The following MAGT1 variants were observed in gnomAD, a reference collection of about 807,000 sequenced individuals.
MAGT1 encodes the protein magnesium transporter 1, also known as dolichyl-diphosphooligosaccharide--protein glycosyltransferase subunit MAGT1.
A neutral mutation model predicts 28.4 loss-of-function variants in MAGT1; 4 were observed. That is an observed-to-expected ratio of 0.14 (90% CI 0.07 to 0.32). The LOEUF (loss-of-function observed/expected upper bound fraction) is 0.32. Among genes scored for constraint, MAGT1 ranks in the 10% least tolerant of loss-of-function variants. MAGT1 has a pLI of 1.00. For missense variants in MAGT1, 193 were observed against 264.5 expected (o/e 0.73, Z 1.88); for synonymous variants, 89 against 89.7 (o/e 0.99, Z 0.04).
At position 77,872,750 on chromosome X, in the gene MAGT1, A is replaced by G. The variant is rs920415153; in HGVS notation, c.273-1825T>C. ...AAATTTTACAGTATTTATTATATGT[A>G]CAGTTGATCTGGTACTTAATCACAA... On this transcript the variant is annotated intron_variant, in intron 2 of 9. Coordinates refer to ENST00000618282, the MANE Select transcript of MAGT1 (RefSeq NM_001367916.1). Among the ~76,000 whole-genome samples the G allele has an allele frequency of 7.1e-5, 8 of 112,105 alleles. No homozygotes were observed. In the East Asian group the frequency reaches 2.2e-3, roughly 31 times the overall value.
In MAGT1 at chrX:77,829,168, T is replaced by C; in HGVS notation, c.*52A>G. The C allele has an allele frequency of 2.8e-6, 3 of 1,090,681 alleles. No homozygotes were observed. Among genetic ancestry groups the C allele is most frequent in the Non-Finnish European group, 3.8e-6 (3 of 787,368 alleles). 89.9% of individuals were successfully genotyped at this position (1,090,681 alleles called of 1,213,427 possible). ...ATTCTTCTTTTCAAACACACACGAT[T>C]TTCGTTTTTCAATTTCCAGTACTCC... is the stretch of plus-strand genomic sequence containing the variant. On this transcript the variant is annotated 3_prime_UTR_variant, in exon 10 of 10. Coordinates refer to ENST00000618282, the MANE Select transcript of MAGT1 (RefSeq NM_001367916.1).
At chrX:77,861,016 A>C (rs2076993435) in intron 3 of MAGT1, among the ~76,000 whole-genome samples, 1 of 109,068 alleles carries the variant, frequency 9.2e-6, no homozygotes. Context: ...CCCCTACTAA[A>C]AATATGAAAA....
chrX:77,877,761 C>T (rs1165739570), intron 1 of MAGT1, among the ~76,000 whole-genome samples: 1 of 106,519 alleles, frequency 9.4e-6, no homozygotes, highest in Non-Finnish European at 1.9e-5. Context: ...TGCGGTGAGC[C>T]GAGATCACGC....
At chrX:77,846,215 C>T (rs1167527342) in intron 7 of MAGT1, among the ~76,000 whole-genome samples, 1 of 111,969 alleles carries the variant, frequency 8.9e-6, no homozygotes, top group East Asian at 2.8e-4. Flanking sequence ...TTTCTTCCAG[C>T]TGATCGAATC....
intron 1 of MAGT1, among the ~76,000 whole-genome samples, chrX:77,886,590 C>T (rs138790484): frequency 0.038 from 4,180 of 110,687 alleles, 118 homozygotes; most frequent in African/African-American, 0.1. Context: ...CTGTAGTGCA[C>T]TATGATTGCA....
Position 77,871,510 on chromosome X carries a change from C to A in MAGT1, c.273-585G>T, listed in dbSNP as rs782616372. On this transcript the variant is annotated intron_variant, in intron 2 of 9. Coordinates refer to ENST00000618282, the MANE Select transcript of MAGT1 (RefSeq NM_001367916.1). ...ATCACCTGAGGTCAGGAGCTCAAGACAAGCCTGGCCAACATGGCAAAACCC... is the reference window on the plus strand; with the variant it reads ...ATCACCTGAGGTCAGGAGCTCAAGAAAAGCCTGGCCAACATGGCAAAACCC... Among the ~76,000 whole-genome samples, 4 of 111,575 alleles carry A rather than the reference C, an allele frequency of 3.6e-5. No individual in the cohort carries two copies. The South Asian group carries it at 1.5e-3, about 42-fold the overall frequency.
chrX:77,845,250 G>A (rs1335417637), intron 7 of MAGT1, among the ~76,000 whole-genome samples: 6 of 111,163 alleles, frequency 5.4e-5, no homozygotes, highest in Non-Finnish European at 3.8e-5. Flanking sequence ...TGTTTTATCA[G>A]AGACTAGGAT....
intron 7 of MAGT1, among the ~76,000 whole-genome samples, chrX:77,852,805 C>T (rs2076972056): frequency 9.0e-6 from 1 of 110,689 alleles, no homozygotes; most frequent in African/African-American, 3.3e-5. Context: ...GCCATGTTGC[C>T]CAGGCTGGTC....
chrX:77,875,684 A>C, intron 1 of MAGT1, 87 bp from the exon 2 acceptor site: 3 of 966,134 alleles, frequency 3.1e-6, no homozygotes, highest in Non-Finnish European at 4.4e-6. Flanking sequence ...TAAAACCAAT[A>C]CTAACAAGCA....
chrX:77,850,981 T>C (rs947566410), intron 7 of MAGT1, among the ~76,000 whole-genome samples: 2 of 109,216 alleles, frequency 1.8e-5, no homozygotes, highest in Non-Finnish European at 3.8e-5. Context: ...CTTTTTTTTT[T>C]TTTTTCTTTG....
intron 3 of MAGT1, chrX:77,868,714 G>A (rs1410106412): frequency 6.2e-5 from 17 of 272,431 alleles, no homozygotes; most frequent in African/African-American, 4.2e-4. Flanking sequence ...CAGCTACTTG[G>A]GAGGCTGAGG....
chrX:77,859,605 G>A (rs2076989697), intron 3 of MAGT1, among the ~76,000 whole-genome samples: 1 of 111,878 alleles, frequency 8.9e-6, no homozygotes, highest in Non-Finnish European at 1.9e-5. Flanking sequence ...GGTGGCTCAC[G>A]CCTGTAATCC....
In MAGT1 at chrX:77,870,820, A is replaced by G; in HGVS notation, c.378T>C (p.Asp126=). The G allele has an allele frequency of 8.5e-7, 1 of 1,177,312 alleles. No individual in the cohort carries two copies. The highest frequency in any genetic ancestry group is 1.7e-5 in the African/African-American group (1 of 57,229). The part of the protein sequence containing the change: ...FAMVDFDEGS[D]VFQMLNMNSA... ...CCAAAGATCTTACCATCTGAAATAC[A>G]TCAGAGCCTTCATCAAAATCCACCA... The change falls in exon 3 of 10, where the codon GAT becomes GAC. Residue 126 remains aspartate, a synonymous_variant. Coordinates refer to ENST00000618282, the MANE Select transcript of MAGT1 (RefSeq NM_001367916.1).
chrX:77,834,979 G>A (rs1435019659), intron 8 of MAGT1, among the ~76,000 whole-genome samples: 2 of 101,691 alleles, frequency 2.0e-5, no homozygotes, highest in Non-Finnish European at 4.0e-5. Flanking sequence ...TTTTTGAGAC[G>A]GAGTCTTGCT....
rs12557610 is a variant in MAGT1, at chrX:77,841,009, A to G, written c.901+237T>C. ...AGAAATATATTACAATTTAAAAATAATTAGTTTTTCAGTGGTGGAATGTTT... is the reference window on the plus strand; with the variant it reads ...AGAAATATATTACAATTTAAAAATAGTTAGTTTTTCAGTGGTGGAATGTTT... On this transcript the variant is annotated intron_variant, in intron 8 of 9. Coordinates refer to ENST00000618282, the MANE Select transcript of MAGT1 (RefSeq NM_001367916.1). Among the ~76,000 whole-genome samples the G allele has an allele frequency of 4.5e-3, 505 of 111,997 alleles. 4 individuals are homozygous for G. The highest frequency in any genetic ancestry group is 0.013 in the African/African-American group (398 of 30,894).
At chrX:77,859,693 C>G (rs782466683) in intron 3 of MAGT1, among the ~76,000 whole-genome samples, 4 of 111,162 alleles carry the variant, frequency 3.6e-5, no homozygotes, top group Non-Finnish European at 5.7e-5. Context: ...ATGGTAAAAC[C>G]CCATCTCTAC....
chrX:77,883,476 C>T (rs1447614834), intron 1 of MAGT1, among the ~76,000 whole-genome samples: 1 of 107,761 alleles, frequency 9.3e-6, no homozygotes, highest in Non-Finnish European at 1.9e-5. Context: ...TATCTTTTTT[C>T]AGGCTCTTAT....
At chrX:77,870,623 T>C (rs1480520634) in intron 3 of MAGT1, among the ~76,000 whole-genome samples, 185 bp downstream of exon 3, 1 of 111,727 alleles carries the variant, frequency 9.0e-6, no homozygotes, top group African/African-American at 3.2e-5. Flanking sequence ...TCAATTTCCA[T>C]ATTCTAGTAG....
intron 7 of MAGT1, among the ~76,000 whole-genome samples, chrX:77,842,853 A>G: frequency 8.9e-6 from 1 of 111,857 alleles, no homozygotes; most frequent in South Asian, 3.7e-4. Flanking sequence ...GAAAAAGAAA[A>G]ATCCCACATG....
Sources: gnomAD v4.1 joint callset for allele counts (sites outside exome capture counted in the v4.1 genomes callset) on GRCh38, gnomAD v4.1.1 for gene constraint, MANE v1.5 for transcripts, NCBI Gene and HGNC (gene_info 2026-07-23, HGNC 2026-07-21) for gene names.